Variants in DCAF4 observed in about 807,000 individuals in gnomAD.
The protein encoded by DCAF4 is DDB1- and CUL4-associated factor 4.
Under a neutral mutation model 60.9 loss-of-function variants are expected in DCAF4, and 37 were observed. That is an observed-to-expected ratio of 0.61 (90% CI 0.47 to 0.80). The LOEUF (loss-of-function observed/expected upper bound fraction) is 0.80. Ranked by LOEUF, DCAF4 falls within the 30% of genes least tolerant of loss-of-function variation. DCAF4 has a pLI of 0.00. For missense variants in DCAF4, 577 were observed against 650.0 expected, an observed-to-expected ratio of 0.89 and a Z score of 1.22; for synonymous variants, 243 against 254.8, an observed-to-expected ratio of 0.95 and a Z score of 0.44.
chr14:72,930,796 A>G (rs1265307211), intron 1 of DCAF4, among the ~76,000 whole-genome samples: 4 of 152,150 alleles, frequency 2.6e-5, no homozygotes, highest in Non-Finnish European at 4.4e-5. Context: ...CCCATATGGT[A>G]TGAAGTAAGG....
At chr14:72,928,327 G>C (rs967065976) in intron 1 of DCAF4, among the ~76,000 whole-genome samples, 2 of 151,568 alleles carry the variant, frequency 1.3e-5, no homozygotes, top group Non-Finnish European at 2.9e-5. Flanking sequence ...CCGAGTAGCT[G>C]AGACTACGGG....
intron 8 of DCAF4, among the ~76,000 whole-genome samples, chr14:72,949,859 C>G (rs1274345408): frequency 3.9e-5 from 6 of 152,166 alleles, no homozygotes; most frequent in Non-Finnish European, 5.9e-5. Flanking sequence ...TGTGGTCATT[C>G]AGACAACACC....
In DCAF4 at chr14:72,953,724, AAAAAAAAAATATATATATATATAT is replaced by A. The variant is rs1891770091; in HGVS notation, c.809-438_809-415del. ...GACCCTGTCTTAAAAAAAAAAAAAA[AAAAAAAAAATATATATATATATAT>A]ATATATATATATATAGTTTATTTAT... On this transcript the variant is annotated intron_variant, in intron 9 of 13. Transcript: ENST00000358377. Among the ~76,000 whole-genome samples the A allele has an allele frequency of 6.0e-5, 3 of 50,156 alleles. 1 individual carries two copies. The highest frequency in any genetic ancestry group is 1.0e-4 in the Non-Finnish European group (3 of 29,668). 32.9% of individuals were successfully genotyped at this position (50,156 alleles called of 152,430 possible).
intron 5 of DCAF4, 134 bp from the exon 6 acceptor site, chr14:72,942,860 A>G (rs1010189284): frequency 1.4e-6 from 1 of 710,738 alleles, no homozygotes. Flanking sequence ...GCTCAGCTCC[A>G]TTGCTGAGAA....
intron 6 of DCAF4, among the ~76,000 whole-genome samples, chr14:72,945,122 G>A (rs951082214): frequency 1.3e-5 from 2 of 151,894 alleles, no homozygotes; most frequent in African/African-American, 2.4e-5. Flanking sequence ...GCGAGGCATG[G>A]TGCCTCACAC....
At chr14:72,960,882 CT>C (rs376184952), downstream of DCAF4, 578 of 145,578 alleles carry the variant, frequency 4.0e-3, no homozygotes, top group African/African-American at 4.1e-3. Flanking sequence ...CCCCCCCCAC[CT>C]TTTTTTTTTT....
intron 8 of DCAF4, 41 bp from the exon 9 acceptor site, chr14:72,951,757 G>A: frequency 1.2e-6 from 2 of 1,600,966 alleles, no homozygotes; most frequent in African/African-American, 1.3e-5. Context: ...TCCTCCCAGA[G>A]GGGAGCCTTG....
rs867614428 is a variant in DCAF4 at position 72,955,697 on chromosome 14, G to A, written c.1179+1G>A. On this transcript the variant is annotated splice_donor_variant, in intron 12 of 13. Transcript: ENST00000358377. LOFTEE classifies it high-confidence loss of function. ...GATGGCTTCAGACATGGCTGGAAAGGTAGGGGATCATGGACTTTCTCAGGC... is the reference window on the plus strand; with the variant it reads ...GATGGCTTCAGACATGGCTGGAAAGATAGGGGATCATGGACTTTCTCAGGC... 11 of 1,612,278 alleles carry A rather than the reference G, an allele frequency of 6.8e-6. No homozygotes were observed. The East Asian group carries it at 2.2e-4, about 33-fold the overall frequency.
At position 72,954,028 on chromosome 14, in the gene DCAF4, C is replaced by T. The variant is rs999374245; in HGVS notation, c.809-136C>T. 6 of 891,480 alleles carry T rather than the reference C, an allele frequency of 6.7e-6. No individual in the cohort carries two copies. In the African/African-American group the frequency reaches 1.0e-4, roughly 15 times the overall value. 55.2% of individuals were successfully genotyped at this position (891,480 alleles called of 1,614,324 possible). A position where few individuals can be genotyped will look rare whatever the true frequency, so the allele number is the denominator to read the frequency against. On this transcript the variant is annotated intron_variant, in intron 9 of 13. Transcript: ENST00000358377. ...CATCCCAGCTGAGTCTCTCTTGCAA[C>T]CACAAAACCCAGAATGGGGCCAAAG...
chr14:72,929,151 C>T (rs1293001662), intron 1 of DCAF4, among the ~76,000 whole-genome samples: 1 of 149,998 alleles, frequency 6.7e-6, no homozygotes, highest in Non-Finnish European at 1.5e-5. Context: ...TGGGCCTGCG[C>T]CTTGGGCCTA....
At chr14:72,951,947 G>A (rs575962599) in intron 9 of DCAF4, 70 bp downstream of exon 9, 2 of 1,538,156 alleles carry the variant, frequency 1.3e-6, no homozygotes, top group East Asian at 2.2e-5. Flanking sequence ...GTGGCTTAGA[G>A]AGAAGTATGG....
At chr14:72,938,259 G>C (rs1889566942) in intron 2 of DCAF4, among the ~76,000 whole-genome samples, 189 bp downstream of exon 2, 1 of 152,062 alleles carries the variant, frequency 6.6e-6, no homozygotes, top group Admixed American at 6.5e-5. Flanking sequence ...ATGTCGCTTT[G>C]GTGGGTCAGC....
chr14:72,939,923 G>A, intron 3 of DCAF4, 21 bp downstream of exon 3: 1 of 1,579,248 alleles, frequency 6.3e-7, no homozygotes, highest in Non-Finnish European at 8.6e-7. Flanking sequence ...TTGCGGGGTG[G>A]GAATCCTGGC....
intron 8 of DCAF4, among the ~76,000 whole-genome samples, chr14:72,947,944 C>T (rs1478999116): frequency 6.6e-6 from 1 of 152,166 alleles, no homozygotes; most frequent in African/African-American, 2.4e-5. Flanking sequence ...CACCCAAAAC[C>T]ACATGTTAAT....
In DCAF4 at chr14:72,940,315, C is replaced by T. The variant is rs189217066; in HGVS notation, c.289C>T (p.Arg97Trp). 2.7e-5 allele frequency: 44 copies of T among 1,614,120 alleles called. No individual in the cohort carries two copies. The highest frequency in any genetic ancestry group is 1.6e-4 in the Middle Eastern group (1 of 6,062). The change falls in exon 4 of 14, where the codon CGG becomes TGG. Residue 97 changes from arginine (R) to tryptophan (W), a missense_variant. Transcript: ENST00000358377. ...NCNPLTKESI[R>W]QKEMESKRLR... ...CAACCCCCTGACGAAAGAGAGCATC[C>T]GGCAGAAGGAGATGGAGAGCAAGAG... is the stretch of plus-strand genomic sequence containing the variant.
chr14:72,950,743 C>T (rs1051426239), intron 8 of DCAF4, among the ~76,000 whole-genome samples: 25 of 152,054 alleles, frequency 1.6e-4, no homozygotes, highest in African/African-American at 5.6e-4. Flanking sequence ...TCACCTGGTA[C>T]CCATTCAGAT....
intron 5 of DCAF4, 104 bp downstream of exon 5, chr14:72,941,928 C>T (rs1367561433): frequency 7.5e-6 from 9 of 1,193,978 alleles, no homozygotes; most frequent in East Asian, 7.1e-5. Context: ...GTGGCTACCC[C>T]GTGAAGCACC....
At chr14:72,948,811 A>G (rs1248559662) in intron 8 of DCAF4, among the ~76,000 whole-genome samples, 1 of 152,018 alleles carries the variant, frequency 6.6e-6, no homozygotes, top group Non-Finnish European at 1.5e-5. Context: ...TCAGACCTGC[A>G]CTCTGCATTT....
intron 6 of DCAF4, among the ~76,000 whole-genome samples, chr14:72,945,525 T>C (rs1000176647): frequency 6.6e-6 from 1 of 152,154 alleles, no homozygotes; most frequent in Non-Finnish European, 1.5e-5. Context: ...ATTTTTCCTA[T>C]TGCGCCACAG....
Sources: allele counts gnomAD v4.1 joint callset (sites outside exome capture counted in the v4.1 genomes callset), GRCh38; gene constraint gnomAD v4.1.1; transcripts MANE v1.5; gene names NCBI Gene and HGNC (gene_info 2026-07-23, HGNC 2026-07-21).